CUBN: variants seen among roughly 807,000 people sequenced by gnomAD.
CUBN encodes cubilin.
In CUBN, 282 loss-of-function variants were observed where a neutral mutation model predicts 405.3. The observed-to-expected ratio is 0.70, with a 90% CI of 0.63 to 0.77. CUBN has a LOEUF of 0.77. Among genes scored for constraint, CUBN ranks in the 30% least tolerant of loss-of-function variants. The probability of loss-of-function intolerance (pLI) is 0.00; values close to 1 mark genes in which losing one functional copy is unlikely to be tolerated. For synonymous variants in CUBN, 1,684 were observed against 1,617.0 expected, an observed-to-expected ratio of 1.04 and a Z score of -0.99; for missense variants, 4,514 against 4,475.2, an observed-to-expected ratio of 1.01 and a Z score of -0.25.
chr10:17,108,456 A>G (rs1266588648), intron 10 of CUBN, among the ~76,000 whole-genome samples: 1 of 152,198 alleles, frequency 6.6e-6, no homozygotes, highest in African/African-American at 2.4e-5. Flanking sequence ...TATATGACAA[A>G]TTAATAAAAA....
Position 17,123,723 on chromosome 10 carries a change from T to C in CUBN, c.388-34A>G, listed in dbSNP as rs778893018. ...AAAACAGGACAGTCAATGAGATGAC[T>C]TGCAGTCAGCAGCAACAAAACGCAT... On this transcript the variant is annotated intron_variant, in intron 4 of 66. Coordinates refer to ENST00000377833, the MANE Select transcript of CUBN (RefSeq NM_001081.4). The C allele has an allele frequency of 4.7e-6, 7 of 1,500,294 alleles. No individual in the cohort carries two copies. In the South Asian group the frequency reaches 6.8e-5, roughly 15 times the overall value. 92.9% of individuals were successfully genotyped at this position (1,500,294 alleles called of 1,614,324 possible).
Position 17,129,729 on chromosome 10 carries a change from G to A in CUBN, c.37C>T (p.Leu13Phe), listed in dbSNP as rs369206414. The A allele has an allele frequency of 1.9e-6, 3 of 1,613,908 alleles. No homozygotes were observed. The highest frequency in any genetic ancestry group is 3.3e-4 in the Middle Eastern group (2 of 6,084). Residue 13 changes from leucine (L) to phenylalanine (F), a missense_variant, in exon 1 of 67, where the codon CTT becomes TTT. By Grantham distance (22) the Leu-to-Phe change is conservative. Around this residue, in one of 5 missense-constraint regions of CUBN, gnomAD observed 1,448 missense variants for 1,388.0 expected, o/e 1.04. Transcript: ENST00000377833. The part of the protein sequence containing the change: ...NMSLPFLWSL[L>F]TLLIFAEVNG... ...ACTTCAGCAAATATTAATAAGGTAA[G>A]CAAACTCCAAAGAAAAGGTAAAGAC...
intron 60 of CUBN, among the ~76,000 whole-genome samples, chr10:16,841,910 CAAAAAA>C (rs11354893): frequency 3.2e-5 from 3 of 93,738 alleles, no homozygotes; most frequent in African/African-American, 1.2e-4. Context: ...AAGACTGTCT[CAAAAAA>C]AAAAAAAAAA....
At chr10:16,936,633 T>C (rs1246568600) in intron 39 of CUBN, among the ~76,000 whole-genome samples, 4 of 152,196 alleles carry the variant, frequency 2.6e-5, no homozygotes, top group Non-Finnish European at 5.9e-5. Flanking sequence ...ACTTAGAATA[T>C]CCTCCAAGAA....
rs1340566177 is a variant in CUBN, at chr10:16,824,858, C to A, written c.*117G>T. On this transcript the variant is annotated 3_prime_UTR_variant, in exon 67 of 67. Transcript: ENST00000377833. ...ATTCTATCCATGGTTTGGTGAAAAA[C>A]CATACAAGTTCAGCTTATTCTCTGT... 7.7e-6 allele frequency: 6 copies of A among 776,322 alleles called. No individual in the cohort carries two copies. The highest frequency in any genetic ancestry group is 5.8e-5 in the South Asian group (4 of 68,854). The allele number at this position is 776,322 out of a possible 1,614,324, so 48.1% of individuals were successfully genotyped here.
chr10:17,008,463 T>TGTGC (rs1320524546), intron 28 of CUBN, among the ~76,000 whole-genome samples: 416 of 145,644 alleles, frequency 2.9e-3, no homozygotes, highest in African/African-American at 9.0e-3. Flanking sequence ...TGTGTGTGTG[T>TGTGC]GCGCGCTTAG....
chr10:16,865,540 G>C (rs767246107), intron 59 of CUBN, among the ~76,000 whole-genome samples: 2 of 152,060 alleles, frequency 1.3e-5, no homozygotes, highest in Admixed American at 1.3e-4. Flanking sequence ...GGGTCAAGTG[G>C]GGACTTGGAG....
intron 31 of CUBN, among the ~76,000 whole-genome samples, chr10:16,962,851 T>C (rs895955064): frequency 1.3e-5 from 2 of 152,184 alleles, no homozygotes; most frequent in African/African-American, 4.8e-5. Context: ...CCTGGCTTCC[T>C]GACCCACGGA....
intron 66 of CUBN, among the ~76,000 whole-genome samples, chr10:16,825,353 GC>G (rs1386043674): frequency 6.6e-6 from 1 of 152,018 alleles, no homozygotes. Context: ...CCCAAAATTG[GC>G]TGTGCTGATA....
intron 62 of CUBN, among the ~76,000 whole-genome samples, chr10:16,838,244 C>T (rs573905619): frequency 6.6e-6 from 1 of 152,258 alleles, no homozygotes; most frequent in South Asian, 2.1e-4. Flanking sequence ...CTTTCCCCAG[C>T]AAGACCACAT....
intron 28 of CUBN, among the ~76,000 whole-genome samples, chr10:17,001,252 A>G (rs781675277): frequency 2.6e-5 from 4 of 152,236 alleles, no homozygotes; most frequent in Non-Finnish European, 4.4e-5. Context: ...TTTATTGTGA[A>G]GAGCAAAAGA....
intron 28 of CUBN, among the ~76,000 whole-genome samples, chr10:17,002,688 T>C (rs561256679): frequency 7.9e-5 from 12 of 152,304 alleles, no homozygotes; most frequent in African/African-American, 2.9e-4. Flanking sequence ...CTGAAAGGTC[T>C]GCATATGCAC....
In CUBN at chr10:17,088,310, T is replaced by C. The variant is rs775933526; in HGVS notation, c.1801A>G (p.Ile601Val). 6.8e-6 allele frequency: 11 copies of C among 1,613,492 alleles called. 1 individual carries two copies. The highest frequency in any genetic ancestry group is 6.7e-5 in the East Asian group (3 of 44,862). The change falls in exon 15 of 67, where the codon ATT becomes GTT. Residue 601 changes from isoleucine (I) to valine (V), a missense_variant. Physicochemically the swap from Ile to Val is conservative, Grantham distance 29. Around this residue, in one of 5 missense-constraint regions of CUBN, gnomAD observed 1,448 missense variants for 1,388.0 expected, o/e 1.04. Transcript: ENST00000377833. Reference protein sequence around the residue: ...GGILTGPYGSIKSPGYPGNYP... With the variant: ...GGILTGPYGSVKSPGYPGNYP... ...TTTCCAGGATACCCCGGAGACTTAA[T>C]AGAACCGTAAGGACCAGTCAGGATA...
chr10:16,927,177 C>CATGT (rs919713076), intron 41 of CUBN, among the ~76,000 whole-genome samples: 1 of 151,682 alleles, frequency 6.6e-6, no homozygotes, highest in Non-Finnish European at 1.5e-5. Flanking sequence ...CATGTGTATA[C>CATGT]ATGTATGTAT....
intron 3 of CUBN, among the ~76,000 whole-genome samples, chr10:17,127,178 TTCTC>T (rs200445008): frequency 2.4e-4 from 36 of 147,344 alleles, no homozygotes; most frequent in African/African-American, 3.5e-4. Context: ...CTTTCTTTCT[TTCTC>T]TCTCTCTCTT....
At chr10:17,096,559 G>T (rs2131292337) in intron 14 of CUBN, among the ~76,000 whole-genome samples, 1 of 152,120 alleles carries the variant, frequency 6.6e-6, no homozygotes. Context: ...CATAGTTTGA[G>T]ATTTTACTAT....
chr10:16,922,135 G>T (rs1842051573), intron 43 of CUBN, among the ~76,000 whole-genome samples: 1 of 136,218 alleles, frequency 7.3e-6, no homozygotes. Flanking sequence ...TGAGGACATG[G>T]ATTTTGTTTG....
intron 56 of CUBN, among the ~76,000 whole-genome samples, chr10:16,880,172 T>C (rs1033161848): frequency 6.6e-6 from 1 of 152,250 alleles, no homozygotes; most frequent in Non-Finnish European, 1.5e-5. Flanking sequence ...TCAAGTTTCC[T>C]GTTAATTGTG....
rs1302204745 is a variant in CUBN, at chr10:17,129,711, C to T, written c.55G>A (p.Ala19Thr). 6.2e-7 allele frequency: 1 copy of T among 1,613,838 alleles called. No homozygotes were observed. The highest frequency in any genetic ancestry group is 8.5e-7 in the Non-Finnish European group (1 of 1,179,894). Residue 19 changes from alanine (A) to threonine (T), a missense_variant, in exon 1 of 67, where the codon GCT (alanine) becomes ACT (threonine). Coordinates refer to ENST00000377833, the MANE Select transcript of CUBN (RefSeq NM_001081.4). ...TCTCCAGCTTCGCCATTTACTTCAG[C>T]AAATATTAATAAGGTAAGCAAACTC... ...LWSLLTLLIF[A>T]EVNGEAGELE...
Sources: gnomAD v4.1 joint callset for allele counts (sites outside exome capture counted in the v4.1 genomes callset) on GRCh38, gnomAD v4.1.1 for gene constraint, gnomAD v4.1.1 regional missense constraint, MANE v1.5 for transcripts, NCBI Gene and HGNC (gene_info 2026-07-23, HGNC 2026-07-21) for gene names.